The following MB21D2 variants were observed in gnomAD, a reference collection of about 807,000 sequenced individuals.
MB21D2 encodes the protein Mab-21 domain containing 2.
In MB21D2, 9 loss-of-function variants were observed where a neutral mutation model predicts 33.3. That is an observed-to-expected ratio of 0.27 (90% CI 0.16 to 0.47). MB21D2 has a LOEUF of 0.47. Ranked by LOEUF, MB21D2 falls within the 20% of genes least tolerant of loss-of-function variation. The pLI is 0.99. For synonymous variants in MB21D2, 241 were observed against 236.3 expected (o/e 1.02, Z -0.18); for missense variants, 540 against 624.6 (o/e 0.86, Z 1.44).
At chr3:192,866,775 A>G (rs1713176484) in intron 1 of MB21D2, among the ~76,000 whole-genome samples, 1 of 152,226 alleles carries the variant, frequency 6.6e-6, no homozygotes, top group Non-Finnish European at 1.5e-5. Flanking sequence ...AAGATAACTT[A>G]GGAGAGAAGA....
At chr3:192,811,237 T>C (rs937266882) in intron 1 of MB21D2, among the ~76,000 whole-genome samples, 17 of 152,356 alleles carry the variant, frequency 1.1e-4, no homozygotes, top group African/African-American at 3.6e-4. Context: ...AGCTTATTAA[T>C]AGACAGAATC....
rs181056602 is a variant in MB21D2, at chr3:192,831,753, T to C, written c.212-32103A>G. Among the ~76,000 whole-genome samples, 8 of 152,204 alleles carry C rather than the reference T, an allele frequency of 5.3e-5. No homozygotes were observed. In the East Asian group the frequency reaches 1.5e-3, roughly 29 times the overall value. Reference sequence around the variant, plus strand: ...AAGGGGAGCATCTTAAAAAAATCAATGAAATACAATTATTATACTTGTTCT... The same window carrying C: ...AAGGGGAGCATCTTAAAAAAATCAACGAAATACAATTATTATACTTGTTCT... On this transcript the variant is annotated intron_variant, in intron 1 of 1. Transcript: ENST00000392452.
At position 192,884,383 on chromosome 3, in the gene MB21D2, T is replaced by C. The variant is rs556811338; in HGVS notation, c.211+33247A>G. On this transcript the variant is annotated intron_variant, in intron 1 of 1. Coordinates refer to ENST00000392452, the MANE Select transcript of MB21D2 (RefSeq NM_178496.4). ...GTGCATGTCTTTTTTGTTGTTGTTGTTGAGACGGAGTCTTGCTCTGTCACC... is the reference window on the plus strand; with the variant it reads ...GTGCATGTCTTTTTTGTTGTTGTTGCTGAGACGGAGTCTTGCTCTGTCACC... Among the ~76,000 whole-genome samples, 30 of 152,012 alleles carry C rather than the reference T, an allele frequency of 2.0e-4. 1 individual carries two copies. In the South Asian group the frequency reaches 5.4e-3, roughly 27 times the overall value.
chr3:192,858,116 ACT>A (rs1236943505), intron 1 of MB21D2, among the ~76,000 whole-genome samples: 7 of 152,190 alleles, frequency 4.6e-5, no homozygotes, highest in African/African-American at 7.2e-5. Context: ...CAAGAGCAAA[ACT>A]CTGTCTCAAA....
rs762561849 is a variant in MB21D2 at position 192,798,745 on chromosome 3, T to A, written c.1117A>T (p.Met373Leu). ...TGAGGGATGAAATAATTGGGGCACA[T>A]CTTGTTGACCAGACAGTGTTGCAGG... ...DDLQHCLVNK[M>L]CPNYFIPQCN... The change falls in exon 2 of 2, where the codon ATG becomes TTG. Residue 373 changes from methionine (M) to leucine (L), a missense_variant. By Grantham distance (15) the Met-to-Leu change is conservative. Coordinates refer to ENST00000392452, the MANE Select transcript of MB21D2 (RefSeq NM_178496.4). This position sits in a 1 kb window ranked among gnomAD's most constrained non-coding sequence, Gnocchi z 4.8. 1.2e-6 allele frequency: 2 copies of A among 1,613,442 alleles called. No individual in the cohort carries two copies. The highest frequency in any genetic ancestry group is 3.3e-5 in the Admixed American group (2 of 60,024).
At chr3:192,860,003 A>T (rs969658681) in intron 1 of MB21D2, among the ~76,000 whole-genome samples, 2 of 152,246 alleles carry the variant, frequency 1.3e-5, no homozygotes, top group Non-Finnish European at 2.9e-5. Context: ...GAAAGTGTAT[A>T]AACAAGGGTG....
chr3:192,800,295 T>G (rs1711528194), intron 1 of MB21D2, among the ~76,000 whole-genome samples: 1 of 152,000 alleles, frequency 6.6e-6, no homozygotes, highest in Admixed American at 6.5e-5. Context: ...CCCAGGCTGG[T>G]CTAAAATTCC....
At chr3:192,821,217 T>C (rs1305336221) in intron 1 of MB21D2, among the ~76,000 whole-genome samples, 1 of 152,218 alleles carries the variant, frequency 6.6e-6, no homozygotes, top group African/African-American at 2.4e-5. Context: ...TTGTGAATTG[T>C]TATTAATCTT....
intron 1 of MB21D2, among the ~76,000 whole-genome samples, chr3:192,809,130 T>C (rs551177960): frequency 6.6e-6 from 1 of 152,038 alleles, no homozygotes; most frequent in Non-Finnish European, 1.5e-5. Context: ...GGAGTCTCGC[T>C]CTGTCCCCAG....
chr3:192,869,411 T>C (rs989851981), intron 1 of MB21D2, among the ~76,000 whole-genome samples: 3 of 151,806 alleles, frequency 2.0e-5, no homozygotes. Flanking sequence ...GCTTGAGTAG[T>C]GGAGGAGACT....
In MB21D2 at chr3:192,796,993, T is replaced by C. The variant is rs879915260; in HGVS notation, c.*1393A>G. The C allele has an allele frequency of 1.3e-4, 20 of 152,592 alleles. No homozygotes were observed. The highest frequency in any genetic ancestry group is 1.1e-3 in the Admixed American group (17 of 15,280). 9.5% of individuals were successfully genotyped at this position (152,592 alleles called of 1,614,324 possible). On this transcript the variant is annotated 3_prime_UTR_variant, in exon 2 of 2. Coordinates refer to ENST00000392452, the MANE Select transcript of MB21D2 (RefSeq NM_178496.4). ...TGAGTTTGGACATTCAAGACCAAAATGAACACGTTACTTGCCCTTTCTATG... is the reference window on the plus strand; with the variant it reads ...TGAGTTTGGACATTCAAGACCAAAACGAACACGTTACTTGCCCTTTCTATG...
At chr3:192,905,635 CAA>C (rs142676577) in intron 1 of MB21D2, among the ~76,000 whole-genome samples, 32,667 of 84,848 alleles carry the variant, frequency 0.39, 4,234 homozygotes, top group Admixed American at 0.45. Flanking sequence ...CGCCCTGTCT[CAA>C]AAAAAAAAAA....
intron 1 of MB21D2, among the ~76,000 whole-genome samples, chr3:192,904,705 C>T (rs1714169919): frequency 2.0e-5 from 3 of 152,218 alleles, no homozygotes; most frequent in South Asian, 2.1e-4. Context: ...TCCAGAACCA[C>T]GGCAGTGGAA....
At chr3:192,897,038 AAG>A (rs908831265) in intron 1 of MB21D2, among the ~76,000 whole-genome samples, 1 of 152,190 alleles carries the variant, frequency 6.6e-6, no homozygotes, top group Non-Finnish European at 1.5e-5. Context: ...GAAGGAGGAG[AAG>A]AGAGACAAGG....
At chr3:192,882,313 G>A (rs1433406805) in intron 1 of MB21D2, among the ~76,000 whole-genome samples, 1 of 152,024 alleles carries the variant, frequency 6.6e-6, no homozygotes, top group Non-Finnish European at 1.5e-5. Context: ...GACCTCAGGT[G>A]ATCTGCCTGA....
chr3:192,907,250 G>T (rs1298053851), intron 1 of MB21D2, among the ~76,000 whole-genome samples: 2 of 152,116 alleles, frequency 1.3e-5, no homozygotes, highest in African/African-American at 2.4e-5. Context: ...GTTGGGCAAG[G>T]CCTAAAAATC....
intron 1 of MB21D2, among the ~76,000 whole-genome samples, chr3:192,804,120 T>C (rs1711611601): frequency 2.0e-5 from 3 of 152,350 alleles, no homozygotes; most frequent in South Asian, 2.1e-4. Context: ...GTTTAAGGAA[T>C]GTGTTTCACG....
Position 192,815,739 on chromosome 3 carries a change from C to T in MB21D2, c.212-16089G>A, listed in dbSNP as rs563473637. Among the ~76,000 whole-genome samples the T allele has an allele frequency of 3.9e-5, 6 of 152,274 alleles. No homozygotes were observed. The South Asian group carries it at 1.0e-3, about 26-fold the overall frequency. On this transcript the variant is annotated intron_variant, in intron 1 of 1. Coordinates refer to ENST00000392452, the MANE Select transcript of MB21D2 (RefSeq NM_178496.4). Reference sequence around the variant, plus strand: ...AATTGGGGAATTCATTCATCTCTAACCACCCAGGTATTCATTTAGTTTGAA... The same window carrying T: ...AATTGGGGAATTCATTCATCTCTAATCACCCAGGTATTCATTTAGTTTGAA...
intron 1 of MB21D2, among the ~76,000 whole-genome samples, chr3:192,824,527 A>G (rs1050205526): frequency 7.1e-6 from 1 of 141,190 alleles, no homozygotes; most frequent in Non-Finnish European, 1.6e-5. Context: ...AAATAAATAA[A>G]TAAAGTTTCT....
Sources: allele counts gnomAD v4.1 joint callset (sites outside exome capture counted in the v4.1 genomes callset), GRCh38; gene constraint gnomAD v4.1.1; non-coding constraint Gnocchi (gnomAD v3.1); transcripts MANE v1.5; gene names NCBI Gene and HGNC (gene_info 2026-07-23, HGNC 2026-07-21).